PRKAR1A: variants seen among roughly 807,000 people sequenced by gnomAD.
PRKAR1A encodes cAMP-dependent protein kinase type I-alpha regulatory subunit.
Under a neutral mutation model 52.0 loss-of-function variants are expected in PRKAR1A, and 3 were observed. That is an observed-to-expected ratio of 0.06 (90% CI 0.03 to 0.15). PRKAR1A has a LOEUF of 0.15. PRKAR1A is among the 10% of genes least tolerant of loss of function. The pLI, the probability that PRKAR1A is intolerant of heterozygous loss-of-function variation, is 1.00. For synonymous variants in PRKAR1A, 188 were observed against 168.4 expected, an observed-to-expected ratio of 1.12 and a Z score of -0.90; for missense variants, 240 against 477.4, an observed-to-expected ratio of 0.50 and a Z score of 4.63.
chr17:68,518,838 T>G (rs1043088774), intron 2 of PRKAR1A, among the ~76,000 whole-genome samples: 1 of 152,232 alleles, frequency 6.6e-6, no homozygotes, highest in Non-Finnish European at 1.5e-5. Flanking sequence ...TGCTTCCTCT[T>G]GAATGCTTTC....
At chr17:68,524,361 A>G (rs1348755992) in intron 5 of PRKAR1A, among the ~76,000 whole-genome samples, 3 of 152,182 alleles carry the variant, frequency 2.0e-5, no homozygotes, top group Admixed American at 6.5e-5. Flanking sequence ...AGAATCATAT[A>G]TATCTCTCAT....
At chr17:68,468,975 G>T in the PRKAR1A span, among the ~76,000 whole-genome samples, 7 of 152,278 alleles carry the variant, frequency 4.6e-5, no homozygotes, top group African/African-American at 1.7e-4. Context: ...GGTGACCCTT[G>T]TCTGACCTTA....
At chr17:68,520,048 C>T (rs909690949) in intron 2 of PRKAR1A, among the ~76,000 whole-genome samples, 1 of 152,230 alleles carries the variant, frequency 6.6e-6, no homozygotes, top group African/African-American at 2.4e-5. Flanking sequence ...TGGTATCAGC[C>T]TGTCTTATGT....
chr17:68,527,471 C>A, intron 7 of PRKAR1A: 1 of 212,148 alleles, frequency 4.7e-6, no homozygotes, highest in African/African-American at 2.4e-5. Flanking sequence ...TGAGAGTAAA[C>A]ATGGAAATTG....
downstream of PRKAR1A, chr17:68,537,459 A>G (rs1398600623): frequency 7.4e-6 from 12 of 1,613,858 alleles, no homozygotes; most frequent in Non-Finnish European, 8.5e-6. The surrounding 1 kb of genome is among the most constrained non-coding windows in gnomAD (Gnocchi z 4.2). Context: ...ATTTTCTGAA[A>G]CTGGACTCTG....
At chr17:68,544,735 G>C (rs1050413246) in intron 11 of PRKAR1A, among the ~76,000 whole-genome samples, 1 of 152,158 alleles carries the variant, frequency 6.6e-6, no homozygotes, top group Non-Finnish European at 1.5e-5. Context: ...GCTCAGGCCT[G>C]GCCAGCTTAT....
At chr17:68,424,383 T>C in the PRKAR1A span, 3 of 525,506 alleles carry the variant, frequency 5.7e-6, no homozygotes, top group Non-Finnish European at 1.2e-5. Context: ...CTAAGCCAAA[T>C]GTGCTCACTA....
rs188476037 is a variant in PRKAR1A, at chr17:68,546,156, G to A, written c.974-4928G>A. ...TGCACTACAGCCTGAGCAACAGAGC[G>A]AGACTCCATCTCAAAAAAAAAAAAA... On this transcript the variant is annotated intron_variant, in intron 11 of 11. Transcript: ENST00000585981. Among the ~76,000 whole-genome samples, 32 of 109,186 alleles carry A rather than the reference G, an allele frequency of 2.9e-4. No homozygotes were observed. In the East Asian group the frequency reaches 5.4e-3, roughly 19 times the overall value. 71.6% of individuals were successfully genotyped at this position (109,186 alleles called of 152,430 possible).
rs1418080546 is a variant in PRKAR1A, at chr17:68,515,456, G to A, written c.57G>A (p.Glu19=). ...AGGCACGCAGCCTTCGAGAATGTGA[G>A]CTCTACGTCCAGAAGCATAACATTC... ...SEEARSLREC[E]LYVQKHNIQA... The change falls in exon 2 of 11, where the codon GAG becomes GAA. Residue 19 remains glutamate, a synonymous_variant. Transcript: ENST00000589228. 1.2e-6 allele frequency: 2 copies of A among 1,613,672 alleles called. No individual in the cohort carries two copies. Among genetic ancestry groups the A allele is most frequent in the Non-Finnish European group, 1.7e-6 (2 of 1,180,046 alleles).
At chr17:68,540,433 C>T (rs1056935530) in intron 11 of PRKAR1A, 13 of 463,878 alleles carry the variant, frequency 2.8e-5, no homozygotes, top group African/African-American at 1.8e-4. Flanking sequence ...ATAAGTGTCT[C>T]GTCTCCCTAG....
At chr17:68,539,214 T>C in intron 11 of PRKAR1A, 1 of 863,340 alleles carries the variant, frequency 1.2e-6, no homozygotes, top group Admixed American at 1.9e-5. Context: ...AGGTGATTCA[T>C]GTCATTCTAC....
chr17:68,434,408 G>T, the PRKAR1A span: 3 of 721,662 alleles, frequency 4.2e-6, no homozygotes, highest in African/African-American at 1.8e-5. Context: ...GTAAAGCCTG[G>T]GAGTCAATTA....
At chr17:68,437,736 T>G in the PRKAR1A span, among the ~76,000 whole-genome samples, 9 of 151,902 alleles carry the variant, frequency 5.9e-5, no homozygotes, top group Middle Eastern at 3.2e-3. Context: ...TCAATAATAT[T>G]CCGGAAGAGT....
chr17:68,507,373 T>C (rs1378178176), upstream of PRKAR1A, among the ~76,000 whole-genome samples: 2 of 152,224 alleles, frequency 1.3e-5, no homozygotes, highest in Non-Finnish European at 2.9e-5. Flanking sequence ...CTGGAAGCTA[T>C]TATCTTCAGC....
At position 68,522,064 on chromosome 17, in the gene PRKAR1A, G is replaced by A. The variant is rs563624426; in HGVS notation, c.178-692G>A. 1.6e-4 allele frequency among the ~76,000 whole-genome samples: 24 copies of A among 152,316 alleles called. 1 individual carries two copies. In the East Asian group the frequency reaches 4.6e-3, roughly 29 times the overall value. On this transcript the variant is annotated intron_variant, in intron 2 of 10. Transcript: ENST00000589228. Reference sequence around the variant, plus strand: ...AGTTTAAACCTTGATTACAAAGAGTGATCCTAGCTCTGCTGGGAGAAGTAT... The same window carrying A: ...AGTTTAAACCTTGATTACAAAGAGTAATCCTAGCTCTGCTGGGAGAAGTAT...
intron 8 of PRKAR1A, 62 bp from the exon 9 acceptor site, chr17:68,528,808 C>A (rs2085873000): frequency 6.3e-7 from 1 of 1,596,826 alleles, no homozygotes; most frequent in South Asian, 1.1e-5. Context: ...TTTATACTTT[C>A]TTTTTACCTT....
intron 11 of PRKAR1A, chr17:68,539,450 C>G: frequency 2.0e-6 from 3 of 1,493,880 alleles, no homozygotes; most frequent in Non-Finnish European, 2.8e-6. Context: ...TTGCATTCCC[C>G]TGAGGCTTCC....
At chr17:68,422,194 G>A in the PRKAR1A span, 4 of 196,734 alleles carry the variant, frequency 2.0e-5, no homozygotes, top group South Asian at 1.8e-4. Context: ...TTGGGAGGCT[G>A]AGGTGGGTGG....
the PRKAR1A span, among the ~76,000 whole-genome samples, chr17:68,463,856 C>T: frequency 6.6e-6 from 1 of 152,206 alleles, no homozygotes; most frequent in Non-Finnish European, 1.5e-5. Context: ...GAATTCGACA[C>T]AGACAGCTGT....
Sources: gnomAD v4.1 joint callset for allele counts (sites outside exome capture counted in the v4.1 genomes callset) on GRCh38, gnomAD v4.1.1 for gene constraint, Gnocchi (gnomAD v3.1) non-coding constraint, MANE v1.5 for transcripts, NCBI Gene and HGNC (gene_info 2026-07-23, HGNC 2026-07-21) for gene names.